The following GALNT13 variants were observed in gnomAD, a reference collection of about 807,000 sequenced individuals.
GALNT13 encodes the protein polypeptide N-acetylgalactosaminyltransferase 13, also known as UDP-GalNAc:polypeptide N-acetylgalactosaminyltransferase 13.
A neutral mutation model predicts 64.2 loss-of-function variants in GALNT13; 28 were observed. The observed-to-expected ratio is 0.44, with a 90% CI of 0.32 to 0.60. GALNT13 has a LOEUF of 0.60. GALNT13 is among the 20% of genes least tolerant of loss of function. The pLI, the probability that GALNT13 is intolerant of heterozygous loss-of-function variation, is 0.05. For missense variants in GALNT13, 577 were observed against 669.8 expected (o/e 0.86, Z 1.53); for synonymous variants, 214 against 224.6 (o/e 0.95, Z 0.42).
chr2:153,224,213 A>G, the GALNT13 span, among the ~76,000 whole-genome samples: 1 of 152,146 alleles, frequency 6.6e-6, no homozygotes, highest in Non-Finnish European at 1.5e-5. Flanking sequence ...AAATACAGGA[A>G]CAGAAAACCC....
chr2:153,984,356 A>G (rs942425900), intron 3 of GALNT13, among the ~76,000 whole-genome samples: 2 of 151,812 alleles, frequency 1.3e-5, no homozygotes, highest in African/African-American at 4.8e-5. Flanking sequence ...TTTAGGGGCT[A>G]TATAGTAAAG....
chr2:154,035,386 G>C (rs1698600236), intron 3 of GALNT13, among the ~76,000 whole-genome samples: 1 of 151,914 alleles, frequency 6.6e-6, no homozygotes. Context: ...GTATCATATA[G>C]AACTTTAAAT....
chr2:154,387,436 A>G lies in GALNT13; in HGVS notation c.1157-8555A>G, dbSNP rs116699377. Among the ~76,000 whole-genome samples the G allele has an allele frequency of 4.9e-3, 745 of 152,190 alleles. 8 individuals are homozygous for G. Among genetic ancestry groups the G allele is most frequent in the African/African-American group, 0.017 (694 of 41,528 alleles). ...ATAGCCATAACCTTGCTTACCTATT[A>G]TTTTTAGTGATAATGTCCTAGTTAT... On this transcript the variant is annotated intron_variant, in intron 9 of 12. Coordinates refer to ENST00000392825, the MANE Select transcript of GALNT13 (RefSeq NM_052917.4).
the GALNT13 span, among the ~76,000 whole-genome samples, chr2:153,624,775 A>G: frequency 6.6e-6 from 1 of 150,470 alleles, no homozygotes; most frequent in African/African-American, 2.4e-5. Flanking sequence ...TTTGCTGGGC[A>G]TCAGGAGGAA....
At chr2:153,217,262 G>A in the GALNT13 span, among the ~76,000 whole-genome samples, 5 of 152,070 alleles carry the variant, frequency 3.3e-5, no homozygotes, top group African/African-American at 7.2e-5. Flanking sequence ...CTTTTTCCAA[G>A]TGTTTTGACT....
chr2:153,669,700 C>A, the GALNT13 span, among the ~76,000 whole-genome samples: 5 of 152,152 alleles, frequency 3.3e-5, no homozygotes, highest in East Asian at 9.7e-4. Flanking sequence ...AGAGGGAGAG[C>A]CAAAGCAGGG....
chr2:153,104,870 C>T, the GALNT13 span, among the ~76,000 whole-genome samples: 2 of 151,870 alleles, frequency 1.3e-5, no homozygotes, highest in South Asian at 2.1e-4. Flanking sequence ...CTTTAAACTG[C>T]ACTTCCTTTT....
intron 1 of GALNT13, among the ~76,000 whole-genome samples, chr2:153,884,027 G>A (rs533037305): frequency 4.4e-4 from 67 of 152,050 alleles, no homozygotes; most frequent in Non-Finnish European, 7.9e-4. Flanking sequence ...GGGGACTGGA[G>A]AGAGTTGAAG....
At chr2:154,302,959 C>T (rs975062665) in intron 9 of GALNT13, among the ~76,000 whole-genome samples, 2 of 152,030 alleles carry the variant, frequency 1.3e-5, no homozygotes, top group Non-Finnish European at 2.9e-5. Context: ...GATTTTTCCC[C>T]TACAAAAGAT....
At chr2:153,207,474 C>G in the GALNT13 span, among the ~76,000 whole-genome samples, 1 of 152,060 alleles carries the variant, frequency 6.6e-6, no homozygotes, top group South Asian at 2.1e-4. Flanking sequence ...TGAACCCCTA[C>G]TTGCGTAACT....
the GALNT13 span, among the ~76,000 whole-genome samples, chr2:153,445,320 A>G: frequency 6.6e-6 from 1 of 152,206 alleles, no homozygotes. Context: ...GAGATGCAGA[A>G]AAGACATATG....
chr2:154,319,961 A>C (rs975787792), intron 9 of GALNT13, among the ~76,000 whole-genome samples: 2 of 152,140 alleles, frequency 1.3e-5, no homozygotes, highest in Admixed American at 6.5e-5. Flanking sequence ...AGAAACACTA[A>C]GTGCTGACAT....
the GALNT13 span, among the ~76,000 whole-genome samples, chr2:153,641,097 G>A: frequency 6.6e-5 from 10 of 152,046 alleles, no homozygotes; most frequent in African/African-American, 2.4e-4. Flanking sequence ...ATCTAACCTT[G>A]TATTAAAGTA....
At chr2:154,263,552 A>C (rs972034732) in intron 8 of GALNT13, among the ~76,000 whole-genome samples, 1 of 152,182 alleles carries the variant, frequency 6.6e-6, no homozygotes, top group Non-Finnish European at 1.5e-5. Flanking sequence ...TGCAATATAC[A>C]TTAAAGTATA....
the GALNT13 span, among the ~76,000 whole-genome samples, chr2:153,693,344 G>A: frequency 2.0e-5 from 3 of 152,116 alleles, no homozygotes. Flanking sequence ...TTAGCCCTGG[G>A]ATCTAGGAGA....
the GALNT13 span, among the ~76,000 whole-genome samples, chr2:153,848,992 A>AG: frequency 6.6e-6 from 1 of 151,538 alleles, no homozygotes; most frequent in African/African-American, 2.4e-5. Context: ...TTACAAAAAA[A>AG]AGAGAAAATT....
intron 8 of GALNT13, among the ~76,000 whole-genome samples, chr2:154,298,590 A>ATATATAAATTG (rs1335547294): frequency 0.12 from 830 of 7,162 alleles, 230 homozygotes; most frequent in East Asian, 0.28. Flanking sequence ...TATATAATTT[A>ATATATAAATTG]TATATACAAT....
chr2:154,089,616 G>A (rs548251159), intron 3 of GALNT13, among the ~76,000 whole-genome samples: 8 of 152,142 alleles, frequency 5.3e-5, no homozygotes, highest in African/African-American at 1.9e-4. Context: ...AGGAATGGAC[G>A]GATAGGGAGC....
the GALNT13 span, among the ~76,000 whole-genome samples, chr2:153,558,424 T>C: frequency 6.6e-6 from 1 of 152,182 alleles, no homozygotes; most frequent in African/African-American, 2.4e-5. Context: ...AGTGGTTCTG[T>C]CCTTTGAAAT....
Sources: allele counts gnomAD v4.1 joint callset (sites outside exome capture counted in the v4.1 genomes callset), GRCh38; gene constraint gnomAD v4.1.1; transcripts MANE v1.5; gene names NCBI Gene and HGNC (gene_info 2026-07-23, HGNC 2026-07-21).